ZNF7: variants seen among roughly 807,000 people sequenced by gnomAD.
ZNF7 encodes zinc finger protein 7.
A neutral mutation model predicts 12.0 loss-of-function variants in ZNF7; 10 were observed. That is an observed-to-expected ratio of 0.83 (90% CI 0.51 to 1.42). The LOEUF (loss-of-function observed/expected upper bound fraction) is 1.42. Among genes scored for constraint, ZNF7 ranks in the 40% most tolerant of loss-of-function variants. The probability of loss-of-function intolerance (pLI) is 0.00; values close to 1 mark genes in which losing one functional copy is unlikely to be tolerated. For missense variants in ZNF7, 854 were observed against 837.2 expected, an observed-to-expected ratio of 1.02 and a Z score of -0.25; for synonymous variants, 334 against 295.0, an observed-to-expected ratio of 1.13 and a Z score of -1.35.
Position 144,842,205 on chromosome 8 carries a change from G to T in ZNF7, c.1098G>T (p.Glu366Asp), listed in dbSNP as rs1464148085. 1.2e-6 allele frequency: 2 copies of T among 1,614,064 alleles called. No homozygotes were observed. Among genetic ancestry groups the T allele is most frequent in the South Asian group, 2.2e-5 (2 of 91,086 alleles). ...HTGERPYPCKECGKAFSQSST... is the reference protein window; with the variant it reads ...HTGERPYPCKDCGKAFSQSST... ...GGGAGAGGCCCTACCCTTGCAAGGAGTGTGGGAAGGCCTTCAGCCAGAGCT... is the reference window on the plus strand; with the variant it reads ...GGGAGAGGCCCTACCCTTGCAAGGATTGTGGGAAGGCCTTCAGCCAGAGCT... Residue 366 changes from glutamate to aspartate, a missense_variant, in exon 5 of 5, where the codon GAG becomes GAT. Coordinates refer to ENST00000532777, the MANE Select transcript of ZNF7 (RefSeq NM_003416.4).
Position 144,842,430 on chromosome 8 carries a change from T to C in ZNF7, c.1323T>C (p.Tyr441=), listed in dbSNP as rs1563844245. ...HQLIHTGEKP[Y]KCNKCTKAFG... ...TGATTCACACTGGAGAGAAGCCTTA[T>C]AAATGCAACAAGTGTACAAAAGCCT... The change falls in exon 5 of 5, where the codon TAT becomes TAC. Residue 441 remains tyrosine (Y), a synonymous_variant. Transcript: ENST00000532777. 2 of 1,614,208 alleles carry C rather than the reference T, an allele frequency of 1.2e-6. No individual in the cohort carries two copies. Among genetic ancestry groups the C allele is most frequent in the Non-Finnish European group, 1.7e-6 (2 of 1,180,046 alleles).
rs544447531 is a variant in ZNF7 at position 144,843,507 on chromosome 8, C to G, written c.*339C>G. ...GGAGGCTGAGGCAGGAGAATGGCATCAGCCCAGGAGGCGGAGCTTGCAGTG... is the reference window on the plus strand; with the variant it reads ...GGAGGCTGAGGCAGGAGAATGGCATGAGCCCAGGAGGCGGAGCTTGCAGTG... On this transcript the variant is annotated 3_prime_UTR_variant, in exon 5 of 5. Transcript: ENST00000532777. The G allele has an allele frequency of 1.1e-4, 18 of 171,252 alleles. No homozygotes were observed. Among genetic ancestry groups the G allele is most frequent in the East Asian group, 7.7e-4 (5 of 6,512 alleles). 10.6% of individuals were successfully genotyped at this position (171,252 alleles called of 1,614,324 possible).
intron 4 of ZNF7, chr8:144,838,599 G>C (rs1829375075): frequency 6.4e-6 from 1 of 156,598 alleles, no homozygotes; most frequent in Admixed American, 6.4e-5. Flanking sequence ...GAGGCCACCG[G>C]CTTGTAGGGG....
chr8:144,842,770 T>C lies in ZNF7; in HGVS notation c.1663T>C (p.Cys555Arg). Reference sequence around the variant, plus strand: ...TCACACTGGAGAGAGGCCCTATAAATGTAATGAATGTGGGAAAGCCTTCAG... The same window carrying C: ...TCACACTGGAGAGAGGCCCTATAAACGTAATGAATGTGGGAAAGCCTTCAG... Reference protein sequence around the residue: ...RVHTGERPYKCNECGKAFSQN... With the variant: ...RVHTGERPYKRNECGKAFSQN... Residue 555 changes from cysteine to arginine, a missense_variant, in exon 5 of 5, where the codon TGT becomes CGT. Coordinates refer to ENST00000532777, the MANE Select transcript of ZNF7 (RefSeq NM_003416.4). 2 of 1,614,192 alleles carry C rather than the reference T, an allele frequency of 1.2e-6. No individual in the cohort carries two copies. The highest frequency in any genetic ancestry group is 8.5e-7 in the Non-Finnish European group (1 of 1,180,036).
downstream of ZNF7, among the ~76,000 whole-genome samples, chr8:144,844,571 G>A (rs890010262): frequency 1.1e-4 from 16 of 152,082 alleles, no homozygotes; most frequent in African/African-American, 2.2e-4. Context: ...TTAGCCGGGC[G>A]TGGTGGCGGG....
chr8:144,841,108 C>T (rs1005958151), intron 4 of ZNF7: 19 of 486,682 alleles, frequency 3.9e-5, no homozygotes, highest in African/African-American at 3.5e-4. Flanking sequence ...CCTCTCTGCT[C>T]ACAGAACCCA....
chr8:144,845,032 G>T (rs1227736961), downstream of ZNF7, among the ~76,000 whole-genome samples: 3 of 152,134 alleles, frequency 2.0e-5, no homozygotes, highest in Admixed American at 1.3e-4. Context: ...AGAAACAGGG[G>T]CAGGGTCAGG....
intron 3 of ZNF7, chr8:144,833,682 T>C (rs917619275): frequency 6.6e-6 from 1 of 151,272 alleles, no homozygotes; most frequent in Non-Finnish European, 1.5e-5. Flanking sequence ...CTGGCCAGTT[T>C]GGCTTTGTTT....
In ZNF7 at chr8:144,837,434, G is replaced by A; in HGVS notation, c.174G>A (p.Glu58=). ...VFKPELISRL[E]QGEEPWVLDL... ...AGCCTGAGCTGATCTCTCGGCTGGA[G>A]CAGGGAGAAGAGCCATGGGTCCTCG... is the stretch of plus-strand genomic sequence containing the variant. Residue 58 remains glutamate (E), a synonymous_variant, in exon 4 of 5, where the codon GAG becomes GAA. Coordinates refer to ENST00000532777, the MANE Select transcript of ZNF7 (RefSeq NM_003416.4). 6.2e-7 allele frequency: 1 copy of A among 1,613,210 alleles called. No homozygotes were observed.
chr8:144,844,725 A>AC (rs1563850625), downstream of ZNF7, among the ~76,000 whole-genome samples: 1,203 of 60,942 alleles, frequency 0.02, 33 homozygotes, highest in African/African-American at 0.073. Context: ...AAAAAAAAAA[A>AC]AAAAAAAAAA....
At chr8:144,841,313 A>G in intron 4 of ZNF7, 42 bp from the exon 5 acceptor site, 1 of 1,545,338 alleles carries the variant, frequency 6.5e-7, no homozygotes, top group Non-Finnish European at 8.7e-7. Flanking sequence ...CATTTCTCTG[A>G]GCACAGGGCC....
rs780753448 is a variant in ZNF7 at position 144,842,992 on chromosome 8, A to G, written c.1885A>G (p.Thr629Ala). The G allele has an allele frequency of 2.5e-6, 4 of 1,614,100 alleles. No individual in the cohort carries two copies. The highest frequency in any genetic ancestry group is 3.4e-6 in the Non-Finnish European group (4 of 1,180,056). The change falls in exon 5 of 5, where the codon ACT becomes GCT. Residue 629 changes from threonine (T) to alanine (A), a missense_variant. Thr to Ala is a moderately conservative substitution (Grantham distance 58, BLOSUM62 0). Transcript: ENST00000532777. ...STFVSRKKVN[T>A]IKKLHQCEDC... The stretch of plus-strand genomic sequence containing the variant: ...CTTTGTGAGCCGTAAAAAGGTTAAT[A>G]CTATAAAGAAACTGCATCAGTGTGA...
At position 144,842,930 on chromosome 8, in the gene ZNF7, G is replaced by A; in HGVS notation, c.1823G>A (p.Trp608Ter). The change falls in exon 5 of 5, where the codon TGG (tryptophan) becomes TAG (stop). Residue 608 changes from tryptophan to a stop codon, truncating the protein, a stop_gained. Transcript: ENST00000532777. LOFTEE classifies it low-confidence loss of function (END_TRUNC). The part of the protein sequence containing the change: ...EHQRIHTRAQ[W>*]FYEYGNALEG... ...CAGAGAATACACACTAGGGCCCAGTGGTTTTACGAATATGGGAATGCCCTG... is the reference window on the plus strand; with the variant it reads ...CAGAGAATACACACTAGGGCCCAGTAGTTTTACGAATATGGGAATGCCCTG... 7 of 1,614,152 alleles carry A rather than the reference G, an allele frequency of 4.3e-6. No homozygotes were observed. Among genetic ancestry groups the A allele is most frequent in the Non-Finnish European group, 5.9e-6 (7 of 1,180,014 alleles).
Position 144,843,347 on chromosome 8 carries a change from T to TG in ZNF7, c.*182dup, listed in dbSNP as rs1830230142. The TG allele has an allele frequency of 2.8e-6, 2 of 723,652 alleles. No individual in the cohort carries two copies. Among genetic ancestry groups the TG allele is most frequent in the Non-Finnish European group, 4.2e-6 (2 of 477,302 alleles). 44.8% of individuals were successfully genotyped at this position (723,652 alleles called of 1,614,324 possible). A position where few individuals can be genotyped will look rare whatever the true frequency, so the allele number is the denominator to read the frequency against. On this transcript the variant is annotated 3_prime_UTR_variant, in exon 5 of 5. Transcript: ENST00000532777. Reference sequence around the variant, plus strand: ...GCTTATGCCTGTCATCCCAGCACTTTGGGAGGCCAAGGCGGGCACATCACG... The same window carrying TG: ...GCTTATGCCTGTCATCCCAGCACTTTGGGGAGGCCAAGGCGGGCACATCACG...
chr8:144,831,451 C>T (rs376243113), intron 3 of ZNF7, among the ~76,000 whole-genome samples: 409 of 152,304 alleles, frequency 2.7e-3, no homozygotes, highest in African/African-American at 9.4e-3. Context: ...GACATCAATT[C>T]CTAGATGCGT....
At position 144,841,048 on chromosome 8, in the gene ZNF7, TC is replaced by T. The variant is rs1829836595; in HGVS notation, c.248-305del. ...CCCACCCTTCTGGTCTTGCTTTGTCTCCTTTGCCTCTGCATGGACTGTGCCC... is the reference window on the plus strand; with the variant it reads ...CCCACCCTTCTGGTCTTGCTTTGTCTCTTTGCCTCTGCATGGACTGTGCCC... On this transcript the variant is annotated intron_variant, in intron 4 of 4. Transcript: ENST00000532777. 2.3e-5 allele frequency: 7 copies of T among 300,566 alleles called. No homozygotes were observed. In the East Asian group the frequency reaches 4.3e-4, roughly 19 times the overall value. 18.6% of individuals were successfully genotyped at this position (300,566 alleles called of 1,614,324 possible).
chr8:144,844,694 A>T (rs1830396640), downstream of ZNF7, among the ~76,000 whole-genome samples: 1 of 130,330 alleles, frequency 7.7e-6, no homozygotes, highest in African/African-American at 2.9e-5. Flanking sequence ...GGGTGACAAG[A>T]GTGTGACTCT....
In ZNF7 at chr8:144,843,113, A is replaced by G; in HGVS notation, c.2006A>G (p.Lys669Arg). 5 of 1,611,548 alleles carry G rather than the reference A, an allele frequency of 3.1e-6. No individual in the cohort carries two copies. Among genetic ancestry groups the G allele is most frequent in the Non-Finnish European group, 3.4e-6 (4 of 1,179,044 alleles). ...CCTTATAAATGCAATGACTGTGGCA[A>G]AGCTTTTAATCGTAGCTCAAGGCTT... The part of the protein sequence containing the change: ...EKPYKCNDCG[K>R]AFNRSSRLTQ... Residue 669 changes from lysine to arginine, a missense_variant, in exon 5 of 5, where the codon AAA becomes AGA. Lys to Arg is a conservative substitution (Grantham distance 26). Transcript: ENST00000532777.
intron 3 of ZNF7, chr8:144,830,910 ACTT>A (rs1435027315): frequency 4.4e-6 from 2 of 457,392 alleles, no homozygotes; most frequent in Non-Finnish European, 8.8e-6. Context: ...GAGTAAGGGT[ACTT>A]CTAATGTTTC....
Sources: allele counts gnomAD v4.1 joint callset (sites outside exome capture counted in the v4.1 genomes callset), GRCh38; gene constraint gnomAD v4.1.1; transcripts MANE v1.5; gene names NCBI Gene and HGNC (gene_info 2026-07-23, HGNC 2026-07-21).